The following DNAAF9 variants were observed in gnomAD, a reference collection of about 807,000 sequenced individuals.
DNAAF9 encodes dynein axonemal assembly factor 9.
DNAAF9 carries 90 observed loss-of-function variants against 167.0 expected under a neutral mutation model. The ratio of observed to expected loss-of-function variants is 0.54; its 90% confidence interval spans 0.45 to 0.64. The LOEUF (loss-of-function observed/expected upper bound fraction) is 0.64, where lower values mean the gene tolerates loss of function less well. Among genes scored for constraint, DNAAF9 ranks in the 30% least tolerant of loss-of-function variants. DNAAF9 has a pLI of 0.00. For missense variants in DNAAF9, 1,315 were observed against 1,442.2 expected (o/e 0.91, Z 1.43); for synonymous variants, 491 against 508.8 (o/e 0.96, Z 0.47).
intron 12 of DNAAF9, among the ~76,000 whole-genome samples, chr20:3,328,931 G>A (rs1013908180): frequency 2.0e-5 from 3 of 147,488 alleles, no homozygotes; most frequent in Admixed American, 6.9e-5. Flanking sequence ...GTGCAGTGGC[G>A]CTATCTCGGC....
rs2069068877 is a variant in DNAAF9, at chr20:3,295,972, G to A, written c.2018+889C>T. On this transcript the variant is annotated intron_variant, in intron 23 of 36. Transcript: ENST00000252032. ...TGTTGGGGTGCCAGATCTTGGTCAG[G>A]CATTTCACTTTGGGAGGCACCATGT... 6 of 1,582,684 alleles carry A rather than the reference G, an allele frequency of 3.8e-6. No homozygotes were observed. The African/African-American group carries it at 4.0e-5, about 11-fold the overall frequency.
intron 1 of DNAAF9, among the ~76,000 whole-genome samples, chr20:3,393,297 G>A (rs2083852018): frequency 6.6e-6 from 1 of 151,944 alleles, no homozygotes. Flanking sequence ...CCTGCCTCTT[G>A]AGTTCAGGAG....
At chr20:3,271,595 TTGTTA>T (rs1374048199) in intron 29 of DNAAF9, among the ~76,000 whole-genome samples, 1 of 143,494 alleles carries the variant, frequency 7.0e-6, no homozygotes, top group Non-Finnish European at 1.5e-5. Context: ...TTTTGCATTT[TTGTTA>T]TTCAATAATT....
Position 3,250,409 on chromosome 20 carries a change from C to T in DNAAF9, c.*2163G>A, listed in dbSNP as rs1382622374. 6.6e-6 allele frequency: 1 copy of T among 152,264 alleles called. No individual in the cohort carries two copies. The highest frequency in any genetic ancestry group is 1.9e-4 in the East Asian group (1 of 5,204). The allele number at this position is 152,264 out of a possible 1,614,324, so 9.4% of individuals were successfully genotyped here. A position where few individuals can be genotyped will look rare whatever the true frequency, so the allele number is the denominator to read the frequency against. On this transcript the variant is annotated 3_prime_UTR_variant, in exon 37 of 37. Transcript: ENST00000252032. ...AGGAATGCCCTTTCGCCAGCTGCCC[C>T]TTCACGTTCCCGAGTAGGCTGAGGA...
chr20:3,355,830 T>C (rs1600847248), intron 7 of DNAAF9, among the ~76,000 whole-genome samples: 1 of 152,134 alleles, frequency 6.6e-6, no homozygotes, highest in East Asian at 1.9e-4. Flanking sequence ...ATAATACTGG[T>C]CTGTAGTTTT....
chr20:3,297,543 G>A (rs1387181921), intron 22 of DNAAF9, among the ~76,000 whole-genome samples: 1 of 152,156 alleles, frequency 6.6e-6, no homozygotes, highest in African/African-American at 2.4e-5. Context: ...CATCAGTTTG[G>A]CTTTGGCTAT....
At chr20:3,356,821 T>C (rs1268315016) in intron 7 of DNAAF9, among the ~76,000 whole-genome samples, 2 of 152,100 alleles carry the variant, frequency 1.3e-5, no homozygotes, top group African/African-American at 2.4e-5. Flanking sequence ...TGTCATGTTA[T>C]GACCAATCAC....
chr20:3,347,543 T>C (rs1002007627), intron 8 of DNAAF9, among the ~76,000 whole-genome samples: 2 of 152,184 alleles, frequency 1.3e-5, no homozygotes, highest in Non-Finnish European at 1.5e-5. Flanking sequence ...CTGGCAAATA[T>C]ATAAGACTTT....
chr20:3,364,629 T>G (rs1269140346), intron 6 of DNAAF9, among the ~76,000 whole-genome samples: 1 of 152,228 alleles, frequency 6.6e-6, no homozygotes, highest in Admixed American at 6.5e-5. Context: ...GGTTTCCTAG[T>G]ACATATAAAA....
At chr20:3,301,177 G>A (rs1316636652) in intron 21 of DNAAF9, among the ~76,000 whole-genome samples, 1 of 116,730 alleles carries the variant, frequency 8.6e-6, no homozygotes, top group Admixed American at 9.8e-5. Flanking sequence ...ATCATGCTTG[G>A]CTTTTTTTTT....
Position 3,325,290 on chromosome 20 carries a change from C to T in DNAAF9, c.1189-322G>A, listed in dbSNP as rs540895113. 2.0e-5 allele frequency among the ~76,000 whole-genome samples: 3 copies of T among 152,334 alleles called. No individual in the cohort carries two copies. In the South Asian group the frequency reaches 6.2e-4, roughly 32 times the overall value. On this transcript the variant is annotated intron_variant, in intron 13 of 36. Transcript: ENST00000252032. Reference sequence around the variant, plus strand: ...GTGGAATGTGAGGTCTGTAAAAGTGCTTTCTCCTCCCCTCTTCCTTGGCTC... The same window carrying T: ...GTGGAATGTGAGGTCTGTAAAAGTGTTTTCTCCTCCCCTCTTCCTTGGCTC...
In DNAAF9 at chr20:3,352,452, C is replaced by T. The variant is rs564324348; in HGVS notation, c.691-3829G>A. On this transcript the variant is annotated intron_variant, in intron 7 of 36. Transcript: ENST00000252032. ...GCGCTGCCAACTAACACTTTAACCACAGACCTTCAATGTCTGTCTGACCTC... is the reference window on the plus strand; with the variant it reads ...GCGCTGCCAACTAACACTTTAACCATAGACCTTCAATGTCTGTCTGACCTC... Among the ~76,000 whole-genome samples, 207 of 152,318 alleles carry T rather than the reference C, an allele frequency of 1.4e-3. 1 individual carries two copies. The highest frequency in any genetic ancestry group is 4.7e-3 in the African/African-American group (197 of 41,568).
chr20:3,271,518 T>A (rs969886328), intron 29 of DNAAF9, among the ~76,000 whole-genome samples: 2 of 152,198 alleles, frequency 1.3e-5, no homozygotes, highest in African/African-American at 4.8e-5. Context: ...AAGATAATTA[T>A]AATACCCCTT....
intron 1 of DNAAF9, among the ~76,000 whole-genome samples, chr20:3,405,341 G>A (rs1406058194): frequency 6.6e-6 from 1 of 152,184 alleles, no homozygotes; most frequent in African/African-American, 2.4e-5. Context: ...CACTTCACCA[G>A]TTAGGTTTGC....
At chr20:3,325,113 G>A in intron 13 of DNAAF9, 145 bp from the exon 14 acceptor site, 1 of 644,560 alleles carries the variant, frequency 1.6e-6, no homozygotes, top group East Asian at 2.6e-5. Context: ...TACTTGGTAG[G>A]CATGAATAGA....
At chr20:3,367,702 G>A (rs1027735377) in intron 6 of DNAAF9, among the ~76,000 whole-genome samples, 9 of 152,098 alleles carry the variant, frequency 5.9e-5, no homozygotes, top group Non-Finnish European at 1.3e-4. Flanking sequence ...TCATATGAGT[G>A]CAGTTTGTGA....
chr20:3,281,059 T>C (rs1254316412), intron 28 of DNAAF9, among the ~76,000 whole-genome samples: 1 of 152,070 alleles, frequency 6.6e-6, no homozygotes, highest in Non-Finnish European at 1.5e-5. Context: ...GAGTCTTGCT[T>C]GCTCTGTCAC....
At chr20:3,294,425 C>CT in intron 24 of DNAAF9, 103 bp downstream of exon 24, 1 of 846,582 alleles carries the variant, frequency 1.2e-6, no homozygotes, top group Non-Finnish European at 2.0e-6. Context: ...ACAGTGATCT[C>CT]TAAGAAACTA....
intron 12 of DNAAF9, among the ~76,000 whole-genome samples, chr20:3,329,206 C>T (rs564950796): frequency 2.8e-5 from 4 of 140,720 alleles, no homozygotes; most frequent in African/African-American, 1.1e-4. Context: ...CTCACTCTGT[C>T]ACCCAGGCTG....
Sources: allele counts gnomAD v4.1 joint callset (sites outside exome capture counted in the v4.1 genomes callset), GRCh38; gene constraint gnomAD v4.1.1; transcripts MANE v1.5; gene names NCBI Gene and HGNC (gene_info 2026-07-23, HGNC 2026-07-21).